KIF5B: variants seen among roughly 807,000 people sequenced by gnomAD.
KIF5B encodes kinesin family member 5B, also known as kinesin-1 heavy chain.
In KIF5B, 49 loss-of-function variants were observed where a neutral mutation model predicts 132.8. That is an observed-to-expected ratio of 0.37 (90% CI 0.29 to 0.47). KIF5B has a LOEUF of 0.47. Among genes scored for constraint, KIF5B ranks in the 20% least tolerant of loss-of-function variants. KIF5B has a pLI of 1.00. For synonymous variants in KIF5B, 355 were observed against 369.4 expected (o/e 0.96, Z 0.45); for missense variants, 780 against 1,144.0 (o/e 0.68, Z 4.59).
rs1347887433 is a variant in KIF5B at position 32,021,260 on chromosome 10, T to C, written c.2060A>G (p.His687Arg). 1 of 1,613,010 alleles carries C rather than the reference T, an allele frequency of 6.2e-7. No homozygotes were observed. The highest frequency in any genetic ancestry group is 8.5e-7 in the Non-Finnish European group (1 of 1,179,240). The part of the protein sequence containing the change: ...QEKVHEMEKE[H>R]LNKVQTANEV... ...ATTTGCAGTCTGAACCTTATTTAAG[T>C]GCTCCTTTTCCATTTCATGGACTTT... Residue 687 changes from histidine (H) to arginine (R), a missense_variant, in exon 18 of 26, where the codon CAC (histidine) becomes CGC (arginine). Physicochemically the swap from His to Arg is conservative, Grantham distance 29. Transcript: ENST00000302418.
chr10:32,028,091 G>A (rs1358882771), intron 15 of KIF5B, among the ~76,000 whole-genome samples: 1 of 151,616 alleles, frequency 6.6e-6, no homozygotes, highest in Non-Finnish European at 1.5e-5. Context: ...TCCCACCCCA[G>A]TAGCTGGGAC....
At chr10:32,037,102 A>G in intron 8 of KIF5B, 152 bp downstream of exon 8, 1 of 651,434 alleles carries the variant, frequency 1.5e-6, no homozygotes, top group Non-Finnish European at 2.6e-6. Context: ...AGCTGATATC[A>G]TCATAAGGCA....
chr10:32,011,650 A>G (rs750824262), intron 25 of KIF5B, 134 bp from the exon 26 acceptor site: 1 of 152,192 alleles, frequency 6.6e-6, no homozygotes, highest in Non-Finnish European at 1.5e-5. Flanking sequence ...ATCTGTGGCT[A>G]CTTTCCCCAA....
intron 2 of KIF5B, among the ~76,000 whole-genome samples, chr10:32,046,312 T>C (rs1357731563): frequency 6.6e-6 from 1 of 152,154 alleles, no homozygotes; most frequent in Admixed American, 6.5e-5. Context: ...TGTAGTAAAA[T>C]TGTGTTCTAT....
intron 24 of KIF5B, 27 bp from the exon 25 acceptor site, chr10:32,015,686 T>C: frequency 6.3e-7 from 1 of 1,585,500 alleles, no homozygotes; most frequent in South Asian, 1.1e-5. Flanking sequence ...AGACAGACTT[T>C]AGAATAAAGT....
intron 25 of KIF5B, among the ~76,000 whole-genome samples, chr10:32,014,026 C>T (rs913213518): frequency 3.9e-5 from 6 of 152,052 alleles, no homozygotes; most frequent in African/African-American, 1.4e-4. Context: ...AATAAACTAG[C>T]TTTAGTATTT....
At chr10:32,020,027 T>A in intron 19 of KIF5B, 68 bp from the exon 20 acceptor site, 1 of 1,061,402 alleles carries the variant, frequency 9.4e-7, no homozygotes, top group Non-Finnish European at 1.4e-6. Context: ...TCATTAAAAT[T>A]TCCAAACTTT....
chr10:32,030,869 T>C (rs211362), intron 14 of KIF5B, among the ~76,000 whole-genome samples: 14,334 of 152,188 alleles, frequency 0.094, 784 homozygotes, highest in Non-Finnish European at 0.12. Context: ...AATTAGATAT[T>C]AACAGACCTT....
chr10:32,050,334 T>C (rs770648112), intron 1 of KIF5B, among the ~76,000 whole-genome samples: 17 of 152,174 alleles, frequency 1.1e-4, no homozygotes, highest in Non-Finnish European at 2.2e-4. Flanking sequence ...TCCCTGCAAC[T>C]AGTAGTCACA....
Position 32,017,627 on chromosome 10 carries a change from A to C in KIF5B, c.2545-268T>G, listed in dbSNP as rs1340134545. On this transcript the variant is annotated intron_variant, in intron 23 of 25. Coordinates refer to ENST00000302418, the MANE Select transcript of KIF5B (RefSeq NM_004521.3). ...CTAGGCAAAGACAATACATTACAAG[A>C]TAGTGCTATGTTTCTTCAGTAAGAC... Among the ~76,000 whole-genome samples the C allele has an allele frequency of 2.0e-5, 3 of 152,286 alleles. No homozygotes were observed. The East Asian group carries it at 5.8e-4, about 29-fold the overall frequency.
At chr10:32,050,141 T>C (rs1841672876) in intron 1 of KIF5B, among the ~76,000 whole-genome samples, 1 of 152,114 alleles carries the variant, frequency 6.6e-6, no homozygotes, top group African/African-American at 2.4e-5. Flanking sequence ...AAAAAGCCCT[T>C]AACATTAGAA....
At chr10:32,039,182 A>C (rs956879432) in intron 4 of KIF5B, 145 bp downstream of exon 4, 5 of 521,498 alleles carry the variant, frequency 9.6e-6, no homozygotes, top group African/African-American at 2.0e-5. Context: ...ATGAACAAAA[A>C]TCCAAGTTTA....
In KIF5B at chr10:32,010,042, C is replaced by G. The variant is rs1841054107; in HGVS notation, c.*1495G>C. 1 of 152,114 alleles carries G rather than the reference C, an allele frequency of 6.6e-6. No individual in the cohort carries two copies. Among genetic ancestry groups the G allele is most frequent in the Admixed American group, 6.5e-5 (1 of 15,278 alleles). 9.4% of individuals were successfully genotyped at this position (152,114 alleles called of 1,614,324 possible). ...AAAATAAGCCAATTATGATCTGAGTCTTCTGACTATGGCTCCAAATTTAAT... is the reference window on the plus strand; with the variant it reads ...AAAATAAGCCAATTATGATCTGAGTGTTCTGACTATGGCTCCAAATTTAAT... On this transcript the variant is annotated 3_prime_UTR_variant, in exon 26 of 26. Transcript: ENST00000302418.
At chr10:32,015,426 T>G (rs569386112) in intron 25 of KIF5B, 83 bp downstream of exon 25, 2 of 1,042,020 alleles carry the variant, frequency 1.9e-6, no homozygotes, top group Admixed American at 5.2e-5. Context: ...AACACTAATG[T>G]GAGAATTTTT....
chr10:32,009,776 C>A lies in KIF5B; in HGVS notation c.*1761G>T, dbSNP rs1224926677. 1 of 152,096 alleles carries A rather than the reference C, an allele frequency of 6.6e-6. No individual in the cohort carries two copies. The highest frequency in any genetic ancestry group is 2.4e-5 in the African/African-American group (1 of 41,438). 9.4% of individuals were successfully genotyped at this position (152,096 alleles called of 1,614,324 possible). On this transcript the variant is annotated 3_prime_UTR_variant, in exon 26 of 26. Transcript: ENST00000302418. ...AATGTTTCTCCATTTAGAAAATCAT[C>A]ATAAAAGGTGGCAGCACTTTTTTTG... is the stretch of plus-strand genomic sequence containing the variant.
At chr10:32,042,524 T>C (rs1452718458) in intron 2 of KIF5B, among the ~76,000 whole-genome samples, 1 of 152,240 alleles carries the variant, frequency 6.6e-6, no homozygotes, top group Non-Finnish European at 1.5e-5. Context: ...AATTTACCTG[T>C]CTGCTTTACT....
chr10:32,017,293 C>T lies in KIF5B; in HGVS notation c.2611G>A (p.Ala871Thr), dbSNP rs377196810. 8.7e-6 allele frequency: 14 copies of T among 1,614,216 alleles called. No homozygotes were observed. The highest frequency in any genetic ancestry group is 1.2e-5 in the Non-Finnish European group (14 of 1,180,042). The change falls in exon 24 of 26, where the codon GCT becomes ACT. Residue 871 changes from alanine to threonine, a missense_variant. Coordinates refer to ENST00000302418, the MANE Select transcript of KIF5B (RefSeq NM_004521.3). ...PKLEKRLRAT[A>T]ERVKALESAL... ...GATTCCAAAGCTTTCACTCTCTCAGCTGTAGCTCGAAGTCGCTTTTCCAAC... is the reference window on the plus strand; with the variant it reads ...GATTCCAAAGCTTTCACTCTCTCAGTTGTAGCTCGAAGTCGCTTTTCCAAC...
Position 32,018,547 on chromosome 10 carries a change from T to A in KIF5B, c.2322A>T (p.Arg774Ser). The change falls in exon 21 of 26, where the codon AGA becomes AGT. Residue 774 changes from arginine to serine, a missense_variant. Around this residue, in one of 9 missense-constraint regions of KIF5B, gnomAD observed 471 missense variants for 569.9 expected, o/e 0.83. Coordinates refer to ENST00000302418, the MANE Select transcript of KIF5B (RefSeq NM_004521.3). ...KLHELTVMQD[R>S]REQARQDLKG... ...TCAAGTCTTGTCTTGCTTGTTCTCG[T>A]CTATCTTGCATAACCCTAACAGTAG... 1 of 1,613,194 alleles carries A rather than the reference T, an allele frequency of 6.2e-7. No individual in the cohort carries two copies. Among genetic ancestry groups the A allele is most frequent in the East Asian group, 2.2e-5 (1 of 44,848 alleles).
chr10:32,047,716 C>G (rs1841631885), intron 2 of KIF5B, among the ~76,000 whole-genome samples: 2 of 152,176 alleles, frequency 1.3e-5, no homozygotes. Context: ...CCTAATCCAC[C>G]TATTTTTATA....
Sources: gnomAD v4.1 joint callset for allele counts (sites outside exome capture counted in the v4.1 genomes callset) on GRCh38, gnomAD v4.1.1 for gene constraint, gnomAD v4.1.1 regional missense constraint, MANE v1.5 for transcripts, NCBI Gene and HGNC (gene_info 2026-07-23, HGNC 2026-07-21) for gene names.